AK2: variants seen among roughly 807,000 people sequenced by gnomAD.
AK2 encodes adenylate kinase 2, also known as adenylate kinase 2, mitochondrial.
AK2 carries 15 observed loss-of-function variants against 24.6 expected under a neutral mutation model. That is an observed-to-expected ratio of 0.61 (90% CI 0.41 to 0.94). The LOEUF (loss-of-function observed/expected upper bound fraction) is 0.94. Among genes scored for constraint, AK2 ranks in the 40% least tolerant of loss-of-function variants. The pLI is 0.00. For missense variants in AK2, 257 were observed against 304.1 expected (o/e 0.85, Z 1.15); for synonymous variants, 102 against 114.0 (o/e 0.90, Z 0.67).
intron 1 of AK2, among the ~76,000 whole-genome samples, chr1:33,035,489 G>C (rs1349128179): frequency 2.0e-5 from 3 of 152,142 alleles, no homozygotes; most frequent in African/African-American, 7.2e-5. Flanking sequence ...GCGGGCACAG[G>C]GCAGTCCTCA....
intron 4 of AK2, among the ~76,000 whole-genome samples, chr1:33,020,843 TC>T (rs1639497588): frequency 9.2e-6 from 1 of 108,294 alleles, no homozygotes. Flanking sequence ...AGACTCTGTC[TC>T]AAAAAAAAAA....
At chr1:33,020,162 C>T in intron 4 of AK2, 6 of 1,504,908 alleles carry the variant, frequency 4.0e-6, no homozygotes, top group Non-Finnish European at 5.3e-6. Flanking sequence ...GTGTTCAATG[C>T]TATTACAGAG....
At position 33,009,471 on chromosome 1, in the gene AK2, G is replaced by A. The variant is rs1054315773; in HGVS notation, c.*3710C>T. 1.1e-5 allele frequency: 5 copies of A among 454,014 alleles called. No individual in the cohort carries two copies. The highest frequency in any genetic ancestry group is 2.0e-5 in the African/African-American group (1 of 50,014). 28.1% of individuals were successfully genotyped at this position (454,014 alleles called of 1,614,324 possible). ...ATTCAACAGTTATCCAGCCTGGCAGGAAGCAGATATCTTTCTGTGTATATC... is the reference window on the plus strand; with the variant it reads ...ATTCAACAGTTATCCAGCCTGGCAGAAAGCAGATATCTTTCTGTGTATATC... On this transcript the variant is annotated 3_prime_UTR_variant, in exon 6 of 6. Transcript: ENST00000672715.
At chr1:33,024,682 C>T in intron 1 of AK2, 115 bp from the exon 2 acceptor site, 1 of 1,298,674 alleles carries the variant, frequency 7.7e-7, no homozygotes, top group Non-Finnish European at 1.1e-6. Flanking sequence ...TGGGCAAATG[C>T]CTACTTCCTT....
In AK2 at chr1:33,012,840, G is replaced by T. The variant is rs751393730; in HGVS notation, c.*341C>A. 5.7e-5 allele frequency: 72 copies of T among 1,267,210 alleles called. No homozygotes were observed. The highest frequency in any genetic ancestry group is 3.2e-4 in the Middle Eastern group (1 of 3,140). 78.5% of individuals were successfully genotyped at this position (1,267,210 alleles called of 1,614,324 possible). A position where few individuals can be genotyped will look rare whatever the true frequency, so the allele number is the denominator to read the frequency against. Reference sequence around the variant, plus strand: ...TGAGCCCCAGGAGGCAGAGGTTGCCGTGAGCCAAGATCACGCCACTGCACT... The same window carrying T: ...TGAGCCCCAGGAGGCAGAGGTTGCCTTGAGCCAAGATCACGCCACTGCACT... On this transcript the variant is annotated 3_prime_UTR_variant, in exon 6 of 6. Coordinates refer to ENST00000672715, the MANE Select transcript of AK2 (RefSeq NM_001625.4).
chr1:33,032,501 G>A (rs1003354910), intron 1 of AK2: 4 of 152,188 alleles, frequency 2.6e-5, no homozygotes, highest in African/African-American at 9.7e-5. Context: ...ACGGGGTAAC[G>A]AAACAGTAGA....
rs1477002627 is a variant in AK2 at position 33,012,357 on chromosome 1, T to C, written c.*824A>G. The C allele has an allele frequency of 9.2e-6, 14 of 1,527,810 alleles. No individual in the cohort carries two copies. Among genetic ancestry groups the C allele is most frequent in the Non-Finnish European group, 1.1e-5 (13 of 1,143,656 alleles). The allele number at this position is 1,527,810 out of a possible 1,614,324, so 94.6% of individuals were successfully genotyped here. On this transcript the variant is annotated 3_prime_UTR_variant, in exon 6 of 6. Coordinates refer to ENST00000672715, the MANE Select transcript of AK2 (RefSeq NM_001625.4). ...TTCCTTCCACCTAGGGGGAAAAAAT[T>C]AATGATCCCTGTTCACACACTGACT...
intron 5 of AK2, among the ~76,000 whole-genome samples, chr1:33,014,120 A>T (rs1468371972): frequency 6.6e-6 from 1 of 152,236 alleles, no homozygotes; most frequent in East Asian, 1.9e-4. Context: ...CTATAAAAAG[A>T]ATATTTTTCT....
rs1640610158 is a variant in AK2 at position 33,036,744 on chromosome 1, C to CT, written c.84dup (p.Gly29ArgfsTer9). On this transcript the variant is annotated frameshift_variant, in exon 1 of 6. Transcript: ENST00000672715. LOFTEE classifies it high-confidence loss of function. Reference sequence around the variant, plus strand: ...CCAGTCCTGCCGCTCACCTGGGTCCCTTTACCGGCCCCGGGAGGCCCCAGC... The same window carrying CT: ...CCAGTCCTGCCGCTCACCTGGGTCCCTTTTACCGGCCCCGGGAGGCCCCAGC... 2.0e-5 allele frequency: 32 copies of CT among 1,588,602 alleles called. No homozygotes were observed. The highest frequency in any genetic ancestry group is 2.5e-5 in the Non-Finnish European group (29 of 1,167,256).
chr1:33,017,239 G>A (rs915496907), intron 4 of AK2, among the ~76,000 whole-genome samples: 4 of 152,090 alleles, frequency 2.6e-5, no homozygotes, highest in African/African-American at 4.8e-5. Context: ...GCTTGAATCC[G>A]TAGATGAGGG....
chr1:33,033,573 A>G (rs1640384037), intron 1 of AK2, among the ~76,000 whole-genome samples: 1 of 152,202 alleles, frequency 6.6e-6, no homozygotes, highest in Non-Finnish European at 1.5e-5. Context: ...TTGAATAAAA[A>G]TTGTTGATTT....
rs1457330005 is a variant in AK2, at chr1:33,012,905, C to A, written c.*276G>T. 2 of 1,392,482 alleles carry A rather than the reference C, an allele frequency of 1.4e-6. No homozygotes were observed. Among genetic ancestry groups the A allele is most frequent in the Non-Finnish European group, 1.9e-6 (2 of 1,056,650 alleles). The allele number at this position is 1,392,482 out of a possible 1,614,324, so 86.3% of individuals were successfully genotyped here. ...AGAGCGAAACCTTGTCTCAAAACAA[C>A]AACAAAAAAGAAGTAAACAGCTGGT... On this transcript the variant is annotated 3_prime_UTR_variant, in exon 6 of 6. Transcript: ENST00000672715.
At position 33,008,220 on chromosome 1, in the gene AK2, T is replaced by C. The variant is rs956324879; in HGVS notation, c.*4961A>G. ...CCCACATGAGTATCTTGGTCACTAG[T>C]GTCATCAGCACCTTTGAGGGGTAGG... On this transcript the variant is annotated 3_prime_UTR_variant, in exon 6 of 6. Transcript: ENST00000672715. 8.8e-6 allele frequency: 4 copies of C among 454,086 alleles called. No homozygotes were observed. The highest frequency in any genetic ancestry group is 1.8e-5 in the Non-Finnish European group (4 of 226,880). The allele number at this position is 454,086 out of a possible 1,614,324, so 28.1% of individuals were successfully genotyped here.
rs1429042135 is a variant in AK2, at chr1:33,014,998, G to A, written c.426-404C>T. Among the ~76,000 whole-genome samples the A allele has an allele frequency of 3.3e-5, 5 of 152,356 alleles. No homozygotes were observed. In the South Asian group the frequency reaches 6.2e-4, roughly 19 times the overall value. ...AATGAGTAATGATCCCTGCTCACAA[G>A]TAGTGCTTAGTGGGAGAGACAAATG... On this transcript the variant is annotated intron_variant, in intron 4 of 5. Coordinates refer to ENST00000672715, the MANE Select transcript of AK2 (RefSeq NM_001625.4).
rs750357784 is a variant in AK2, at chr1:33,011,619, C to T, written c.*1562G>A. The stretch of plus-strand genomic sequence containing the variant: ...CAGCAGCAGATTATGCTGAGGCTGG[C>T]GATATTATTTACTGGATCTGCCACT... On this transcript the variant is annotated 3_prime_UTR_variant, in exon 6 of 6. Transcript: ENST00000672715. The T allele has an allele frequency of 2.1e-5, 27 of 1,289,512 alleles. No homozygotes were observed. Among genetic ancestry groups the T allele is most frequent in the Non-Finnish European group, 2.3e-5 (23 of 990,574 alleles). The allele number at this position is 1,289,512 out of a possible 1,614,324, so 79.9% of individuals were successfully genotyped here.
chr1:33,032,218 T>C (rs1350152014), intron 1 of AK2: 3 of 157,438 alleles, frequency 1.9e-5, no homozygotes, highest in South Asian at 1.8e-4. Context: ...ATGAGTCAAA[T>C]GTAAGCAATG....
intron 2 of AK2, among the ~76,000 whole-genome samples, chr1:33,022,177 C>A (rs1639597552): frequency 6.6e-6 from 1 of 152,010 alleles, no homozygotes; most frequent in South Asian, 2.1e-4. Context: ...AAAACACAGG[C>A]ATCAGCTTTC....
intron 4 of AK2, among the ~76,000 whole-genome samples, chr1:33,016,926 C>T (rs1482384443): frequency 6.6e-6 from 1 of 151,638 alleles, no homozygotes; most frequent in Non-Finnish European, 1.5e-5. Context: ...AGGCTGGTCT[C>T]GAACTCCTGA....
intron 1 of AK2, among the ~76,000 whole-genome samples, chr1:33,027,989 C>T (rs1278802162): frequency 6.6e-6 from 1 of 152,106 alleles, no homozygotes; most frequent in Non-Finnish European, 1.5e-5. Flanking sequence ...TCACAGGGTT[C>T]TTATGAGGAT....
Sources: allele counts gnomAD v4.1 joint callset (sites outside exome capture counted in the v4.1 genomes callset), GRCh38; gene constraint gnomAD v4.1.1; transcripts MANE v1.5; gene names NCBI Gene and HGNC (gene_info 2026-07-23, HGNC 2026-07-21).